Variants in ST7 observed in about 807,000 individuals in gnomAD.
ST7 encodes suppression of tumorigenicity 7, also known as suppressor of tumorigenicity 7 protein.
Under a neutral mutation model 78.7 loss-of-function variants are expected in ST7, and 28 were observed. The ratio of observed to expected loss-of-function variants is 0.36; its 90% CI spans 0.26 to 0.49. The LOEUF (loss-of-function observed/expected upper bound fraction) is 0.49. Ranked by LOEUF, ST7 falls within the 20% of genes least tolerant of loss-of-function variation. ST7 has a pLI of 0.99. For missense variants in ST7, 418 were observed against 696.0 expected (o/e 0.60, Z 4.49); for synonymous variants, 247 against 249.6 (o/e 0.99, Z 0.10).
At chr7:116,990,224 C>T (rs1794365427) in intron 1 of ST7, among the ~76,000 whole-genome samples, 1 of 152,204 alleles carries the variant, frequency 6.6e-6, no homozygotes, top group Non-Finnish European at 1.5e-5. Flanking sequence ...GTGTGAGCCA[C>T]CACGCCCGGC....
chr7:117,056,320 T>G (rs1192233792), intron 1 of ST7, among the ~76,000 whole-genome samples: 3 of 152,144 alleles, frequency 2.0e-5, no homozygotes, highest in Admixed American at 6.5e-5. Context: ...CTCAGAGTTG[T>G]GAGAGTTACA....
chr7:116,973,776 A>G (rs73210119), intron 1 of ST7, among the ~76,000 whole-genome samples: 2,573 of 152,328 alleles, frequency 0.017, 34 homozygotes, highest in Non-Finnish European at 0.027. Context: ...ATTATCAAAC[A>G]TTATGTTTAT....
chr7:116,972,357 A>C (rs181400487), intron 1 of ST7: 1 of 627,500 alleles, frequency 1.6e-6, no homozygotes, highest in Non-Finnish European at 2.9e-6. Flanking sequence ...TCTCTTTCTC[A>C]TATTTGTCTT....
chr7:116,976,277 C>T (rs938089832), intron 1 of ST7, among the ~76,000 whole-genome samples: 5 of 151,796 alleles, frequency 3.3e-5, no homozygotes, highest in East Asian at 1.9e-4. Context: ...ACAACAATAA[C>T]AACAACAACA....
intron 1 of ST7, among the ~76,000 whole-genome samples, chr7:117,043,223 G>A (rs1467931267): frequency 1.3e-5 from 2 of 152,270 alleles, no homozygotes; most frequent in South Asian, 2.1e-4. Context: ...GGAGGAAAAT[G>A]TATTCAGTCT....
intron 9 of ST7, among the ~76,000 whole-genome samples, chr7:117,143,452 C>A (rs1805493474): frequency 6.6e-6 from 1 of 152,184 alleles, no homozygotes; most frequent in Non-Finnish European, 1.5e-5. Flanking sequence ...ATCTTTGTGA[C>A]TTCCAAAATT....
intron 1 of ST7, among the ~76,000 whole-genome samples, chr7:117,075,357 C>A (rs1229589250): frequency 6.6e-6 from 1 of 152,026 alleles, no homozygotes; most frequent in African/African-American, 2.4e-5. Context: ...GAAGTTGTAC[C>A]TACAGAAATA....
Position 117,137,165 on chromosome 7 carries a change from T to A in ST7, c.865+930T>A, listed in dbSNP as rs1804858930. On this transcript the variant is annotated intron_variant, in intron 8 of 15. Coordinates refer to ENST00000323984, the MANE Select transcript of ST7 (RefSeq NM_001369598.1). ...GAGATTATAAAATTAAATGTTAACGTTAAACTTGGGTTTGGTGTAGAAACT... is the reference window on the plus strand; with the variant it reads ...GAGATTATAAAATTAAATGTTAACGATAAACTTGGGTTTGGTGTAGAAACT... 3 of 152,138 alleles carry A rather than the reference T, an allele frequency of 2.0e-5. No homozygotes were observed. In the South Asian group the frequency reaches 6.2e-4, roughly 32 times the overall value. The allele number at this position is 152,138 out of a possible 1,614,324, so 9.4% of individuals were successfully genotyped here.
At chr7:116,956,946 C>T (rs1307549077) in intron 1 of ST7, 1 of 236,830 alleles carries the variant, frequency 4.2e-6, no homozygotes, top group Non-Finnish European at 8.4e-6. Context: ...ATTGAGGACT[C>T]AGAGGTGGAC....
chr7:117,014,935 C>T, intron 1 of ST7: 7 of 1,305,270 alleles, frequency 5.4e-6, no homozygotes, highest in Non-Finnish European at 6.9e-6. Context: ...GTCCAGGGAG[C>T]CGTTTCATTT....
intron 1 of ST7, among the ~76,000 whole-genome samples, chr7:116,975,702 C>T (rs1793670329): frequency 6.6e-6 from 1 of 151,712 alleles, no homozygotes; most frequent in African/African-American, 2.4e-5. Flanking sequence ...ACCACCATGC[C>T]CAGCCTTTTT....
intron 1 of ST7, among the ~76,000 whole-genome samples, chr7:117,064,361 A>G (rs1004975335): frequency 3.9e-5 from 6 of 152,210 alleles, no homozygotes; most frequent in African/African-American, 1.2e-4. Context: ...CTACTTCCCT[A>G]TGCTTCTGTC....
intron 6 of ST7, among the ~76,000 whole-genome samples, chr7:117,132,740 G>A (rs887285118): frequency 3.3e-5 from 5 of 150,614 alleles, no homozygotes; most frequent in African/African-American, 9.7e-5. Context: ...GTTGATCTAC[G>A]GTTTCTGATT....
At position 117,218,925 on chromosome 7, in the gene ST7, A is replaced by T. The variant is rs1003151587; in HGVS notation, c.1406-159A>T. 22 of 600,754 alleles carry T rather than the reference A, an allele frequency of 3.7e-5. 1 individual carries two copies. In the South Asian group the frequency reaches 4.4e-4, roughly 12 times the overall value. The allele number at this position is 600,754 out of a possible 1,614,324, so 37.2% of individuals were successfully genotyped here. A position where few individuals can be genotyped will look rare whatever the true frequency, so the allele number is the denominator to read the frequency against. ...ATGTGTGAGTAATCCATCACAATTT[A>T]TCTCTGACATTTCATCTGGCACATA... On this transcript the variant is annotated intron_variant, in intron 13 of 15. Transcript: ENST00000323984.
chr7:117,050,459 T>C (rs1489467833), intron 1 of ST7, among the ~76,000 whole-genome samples: 1 of 152,244 alleles, frequency 6.6e-6, no homozygotes, highest in Non-Finnish European at 1.5e-5. Context: ...CCTGCATCTT[T>C]ACAATTGTTT....
intron 1 of ST7, among the ~76,000 whole-genome samples, chr7:116,984,936 C>T (rs148417433): frequency 2.2e-3 from 333 of 152,168 alleles, no homozygotes; most frequent in Non-Finnish European, 4.1e-3. Flanking sequence ...TAAGAACTGC[C>T]CATGATTTGG....
chr7:117,125,960 G>A (rs1289478982), intron 3 of ST7, among the ~76,000 whole-genome samples: 1 of 151,900 alleles, frequency 6.6e-6, no homozygotes, highest in Non-Finnish European at 1.5e-5. Context: ...TAGACCTTAG[G>A]GAAATTAGCT....
intron 1 of ST7, among the ~76,000 whole-genome samples, chr7:116,990,898 G>A (rs1012785310): frequency 3.3e-5 from 5 of 152,164 alleles, no homozygotes; most frequent in Non-Finnish European, 7.3e-5. Context: ...ACAGAAAAGA[G>A]CAGATATTCT....
rs1256888343 is a variant in ST7 at position 117,219,355 on chromosome 7, C to T, written c.1498+179C>T. Reference sequence around the variant, plus strand: ...ATGTGAGTGGGTTTGGCTTCCTTTTCCTCCAAGTCTCTCCAAATTTATCAA... The same window carrying T: ...ATGTGAGTGGGTTTGGCTTCCTTTTTCTCCAAGTCTCTCCAAATTTATCAA... On this transcript the variant is annotated intron_variant, in intron 14 of 15. Coordinates refer to ENST00000323984, the MANE Select transcript of ST7 (RefSeq NM_001369598.1). This position sits in a 1 kb window ranked among gnomAD's most constrained non-coding sequence, Gnocchi z 5.1. Among the ~76,000 whole-genome samples the T allele has an allele frequency of 6.6e-6, 1 of 152,168 alleles. No homozygotes were observed. Among genetic ancestry groups the T allele is most frequent in the African/African-American group, 2.4e-5 (1 of 41,422 alleles).
Sources: gnomAD v4.1 joint callset for allele counts (sites outside exome capture counted in the v4.1 genomes callset) on GRCh38, gnomAD v4.1.1 for gene constraint, Gnocchi (gnomAD v3.1) non-coding constraint, MANE v1.5 for transcripts, NCBI Gene and HGNC (gene_info 2026-07-23, HGNC 2026-07-21) for gene names.